DOCK3: variants seen among roughly 807,000 people sequenced by gnomAD.
DOCK3 encodes dedicator of cytokinesis 3.
DOCK3 carries 60 observed loss-of-function variants against 265.6 expected under a neutral mutation model. The observed-to-expected ratio is 0.23, with a 90% CI of 0.18 to 0.28. DOCK3 has a LOEUF of 0.28. DOCK3 is among the 10% of genes least tolerant of loss of function. DOCK3 has a pLI of 1.00. For synonymous variants in DOCK3, 881 were observed against 938.0 expected, an observed-to-expected ratio of 0.94 and a Z score of 1.11; for missense variants, 1,981 against 2,594.3, an observed-to-expected ratio of 0.76 and a Z score of 5.14.
intron 22 of DOCK3, among the ~76,000 whole-genome samples, chr3:51,255,236 C>T (rs920934565): frequency 1.3e-5 from 2 of 152,120 alleles, no homozygotes; most frequent in Non-Finnish European, 2.9e-5. Flanking sequence ...TGAGAGATCC[C>T]CTGTTAGTCT....
intron 46 of DOCK3, among the ~76,000 whole-genome samples, chr3:51,360,246 G>A (rs1184880264): frequency 3.9e-5 from 6 of 152,210 alleles, no homozygotes; most frequent in African/African-American, 1.4e-4. Context: ...ACCAGCTTCA[G>A]TTTATTCCAG....
chr3:51,220,732 T>TAA (rs1560232478), intron 14 of DOCK3, among the ~76,000 whole-genome samples: 12 of 144,582 alleles, frequency 8.3e-5, no homozygotes, highest in African/African-American at 2.5e-4. Flanking sequence ...TATATATATA[T>TAA]AAAATACTTG....
At chr3:51,249,554 CG>C (rs1311966160) in intron 22 of DOCK3, among the ~76,000 whole-genome samples, 2 of 58,044 alleles carry the variant, frequency 3.4e-5, no homozygotes, top group Admixed American at 1.5e-4. Flanking sequence ...GGGAGGTGGG[CG>C]GGTCAGCCCC....
intron 9 of DOCK3, among the ~76,000 whole-genome samples, chr3:51,092,194 C>T (rs932743712): frequency 2.0e-5 from 3 of 152,136 alleles, no homozygotes; most frequent in Non-Finnish European, 4.4e-5. Context: ...GTGCTGAAGC[C>T]AGGAAGCCAA....
At chr3:50,764,633 A>G (rs866012176) in intron 1 of DOCK3, among the ~76,000 whole-genome samples, 1 of 152,150 alleles carries the variant, frequency 6.6e-6, no homozygotes, top group East Asian at 1.9e-4. Flanking sequence ...ATTGAATTTC[A>G]TAAATATCTA....
intron 4 of DOCK3, among the ~76,000 whole-genome samples, chr3:50,913,015 C>T (rs945850575): frequency 4.6e-5 from 7 of 152,030 alleles, no homozygotes; most frequent in Admixed American, 1.3e-4. Context: ...TTTTCTCAAG[C>T]GGAAGTCTTG....
At chr3:50,723,171 A>T (rs1401791121) in intron 1 of DOCK3, among the ~76,000 whole-genome samples, 1 of 152,188 alleles carries the variant, frequency 6.6e-6, no homozygotes, top group Non-Finnish European at 1.5e-5. Flanking sequence ...GTGGTCTTGC[A>T]GACAGGACAT....
intron 1 of DOCK3, among the ~76,000 whole-genome samples, chr3:50,755,755 CATATA>C (rs956941441): frequency 5.9e-5 from 9 of 152,124 alleles, no homozygotes; most frequent in Admixed American, 2.0e-4. Context: ...TAAATGGAAT[CATATA>C]ATATATACTC....
chr3:50,945,689 C>T (rs2076407898), intron 5 of DOCK3, among the ~76,000 whole-genome samples: 1 of 151,938 alleles, frequency 6.6e-6, no homozygotes, highest in Admixed American at 6.6e-5. Flanking sequence ...TATGGTTATC[C>T]CAAGAATATT....
intron 4 of DOCK3, among the ~76,000 whole-genome samples, chr3:50,925,649 A>G (rs2050716145): frequency 6.6e-6 from 1 of 152,106 alleles, no homozygotes; most frequent in African/African-American, 2.4e-5. Context: ...GAAGAAACAG[A>G]AGGTTGGGGT....
intron 38 of DOCK3, 82 bp from the exon 39 acceptor site, chr3:51,348,768 TTG>T: frequency 7.3e-7 from 1 of 1,375,738 alleles, no homozygotes; most frequent in South Asian, 1.2e-5. Context: ...AGACCTTTTG[TTG>T]TGTGTCTTCT....
At chr3:50,764,824 C>G (rs1028548483) in intron 1 of DOCK3, among the ~76,000 whole-genome samples, 2 of 152,040 alleles carry the variant, frequency 1.3e-5, no homozygotes, top group Non-Finnish European at 2.9e-5. Context: ...GTATCTTCTT[C>G]CTAATATGTT....
chr3:50,795,196 T>C (rs929322821), intron 2 of DOCK3, among the ~76,000 whole-genome samples: 1 of 152,154 alleles, frequency 6.6e-6, no homozygotes, highest in Non-Finnish European at 1.5e-5. Context: ...GAGAATCTGA[T>C]GATTATATAT....
chr3:51,036,984 G>A (rs935587464), intron 5 of DOCK3, among the ~76,000 whole-genome samples: 7 of 152,142 alleles, frequency 4.6e-5, no homozygotes, highest in Non-Finnish European at 8.8e-5. Flanking sequence ...CAGCCATGTG[G>A]AACTGTAAGT....
chr3:50,796,410 C>T (rs554373008), intron 2 of DOCK3, among the ~76,000 whole-genome samples: 1 of 151,382 alleles, frequency 6.6e-6, no homozygotes, highest in South Asian at 2.1e-4. Context: ...GCAATCTTGG[C>T]TCACTGCAAC....
chr3:50,822,623 A>G (rs2044510156), intron 2 of DOCK3, among the ~76,000 whole-genome samples: 1 of 152,114 alleles, frequency 6.6e-6, no homozygotes, highest in Non-Finnish European at 1.5e-5. Context: ...CAGTCTCCTG[A>G]ATAGCTAGGA....
At chr3:50,736,049 G>A (rs2038579575) in intron 1 of DOCK3, among the ~76,000 whole-genome samples, 3 of 152,046 alleles carry the variant, frequency 2.0e-5, no homozygotes, top group East Asian at 1.9e-4. Context: ...ATCCCTCCCC[G>A]CTGCCCCCAC....
intron 22 of DOCK3, among the ~76,000 whole-genome samples, chr3:51,250,158 C>T (rs2079124936): frequency 6.6e-6 from 1 of 151,700 alleles, no homozygotes; most frequent in African/African-American, 2.4e-5. Context: ...GGTCCTCTGC[C>T]TAGGAAAACC....
chr3:51,239,930 G>A (rs1287734393), intron 21 of DOCK3, among the ~76,000 whole-genome samples: 1 of 151,874 alleles, frequency 6.6e-6, no homozygotes, highest in Non-Finnish European at 1.5e-5. Context: ...ATGGTTTTTT[G>A]TGTCTCAATC....
Sources: gnomAD v4.1 joint callset for allele counts (sites outside exome capture counted in the v4.1 genomes callset) on GRCh38, gnomAD v4.1.1 for gene constraint, MANE v1.5 for transcripts, NCBI Gene and HGNC (gene_info 2026-07-23, HGNC 2026-07-21) for gene names.